Variants in LRBA observed in about 807,000 individuals in gnomAD.
LRBA encodes the protein LPS responsive beige-like anchor protein.
A neutral mutation model predicts 330.0 loss-of-function variants in LRBA; 176 were observed. That is an observed-to-expected ratio of 0.53 (90% CI 0.47 to 0.60). The LOEUF (loss-of-function observed/expected upper bound fraction) is 0.60. LRBA is among the 20% of genes least tolerant of loss of function. LRBA has a pLI of 0.00. For synonymous variants in LRBA, 1,230 were observed against 1,193.0 expected, an observed-to-expected ratio of 1.03 and a Z score of -0.64; for missense variants, 3,259 against 3,444.8, an observed-to-expected ratio of 0.95 and a Z score of 1.35.
At chr4:150,356,260 G>C (rs560453054) in intron 47 of LRBA, among the ~76,000 whole-genome samples, 1 of 152,140 alleles carries the variant, frequency 6.6e-6, no homozygotes, top group Non-Finnish European at 1.5e-5. Context: ...AGTCCAAAAA[G>C]GAAAAGTTTA....
At chr4:150,648,614 C>A (rs891432172) in intron 37 of LRBA, among the ~76,000 whole-genome samples, 1 of 151,702 alleles carries the variant, frequency 6.6e-6, no homozygotes, top group East Asian at 1.9e-4. Context: ...TGATTGAGAA[C>A]CCTTAAATGC....
rs774453122 is a variant in LRBA, at chr4:150,737,983, C to CT, written c.5646-2618dup. The stretch of plus-strand genomic sequence containing the variant: ...CCTCAAGTCACATTTTTCTCTGAAT[C>CT]TTTTTTTTTTTTTTTTTTTTTTTTC... On this transcript the variant is annotated intron_variant, in intron 35 of 56. Transcript: ENST00000651943. 9.1e-3 allele frequency among the ~76,000 whole-genome samples: 1,022 copies of CT among 112,146 alleles called. 18 individuals carry two copies. Among genetic ancestry groups the CT allele is most frequent in the African/African-American group, 0.012 (345 of 27,772 alleles). 73.6% of individuals were successfully genotyped at this position (112,146 alleles called of 152,430 possible).
intron 22 of LRBA, among the ~76,000 whole-genome samples, chr4:150,859,134 T>C (rs1751586463): frequency 6.6e-6 from 1 of 152,172 alleles, no homozygotes; most frequent in Non-Finnish European, 1.5e-5. Flanking sequence ...TCTTCAGATA[T>C]TTCAAAAAAT....
intron 17 of LRBA, among the ~76,000 whole-genome samples, chr4:150,891,425 T>A (rs1194561686): frequency 2.0e-5 from 3 of 152,236 alleles, no homozygotes; most frequent in African/African-American, 7.2e-5. Context: ...AGATAGTTGG[T>A]CAAATATTTT....
chr4:150,572,031 C>A (rs970113501), intron 40 of LRBA, among the ~76,000 whole-genome samples: 1 of 151,740 alleles, frequency 6.6e-6, no homozygotes, highest in Non-Finnish European at 1.5e-5. Context: ...TATTTTATAT[C>A]CCTTTTAGAA....
At chr4:150,372,775 T>C (rs1372309701) in intron 47 of LRBA, among the ~76,000 whole-genome samples, 1 of 148,640 alleles carries the variant, frequency 6.7e-6, no homozygotes, top group Non-Finnish European at 1.5e-5. Flanking sequence ...TAGATATTAG[T>C]TCTCCTCCTG....
At chr4:150,712,781 T>C (rs1786353156) in intron 36 of LRBA, among the ~76,000 whole-genome samples, 1 of 152,070 alleles carries the variant, frequency 6.6e-6, no homozygotes, top group Non-Finnish European at 1.5e-5. Context: ...ACTACCAAGC[T>C]ACAAAACGGC....
chr4:150,315,458 A>T, intron 51 of LRBA, 103 bp downstream of exon 51: 1 of 971,438 alleles, frequency 1.0e-6, no homozygotes, highest in Non-Finnish European at 1.7e-6. Flanking sequence ...TATCAGGAAA[A>T]TTCCATTCCC....
chr4:150,495,556 G>A (rs1351541507), intron 40 of LRBA, among the ~76,000 whole-genome samples: 2 of 152,094 alleles, frequency 1.3e-5, no homozygotes, highest in African/African-American at 2.4e-5. Flanking sequence ...GGAATTACTA[G>A]CTGAAATTTA....
At chr4:150,576,342 C>T (rs894054902) in intron 40 of LRBA, among the ~76,000 whole-genome samples, 3 of 151,726 alleles carry the variant, frequency 2.0e-5, no homozygotes, top group Non-Finnish European at 3.0e-5. Context: ...AAAAGATACA[C>T]GATTTCTTGG....
intron 22 of LRBA, among the ~76,000 whole-genome samples, chr4:150,862,283 T>C (rs1398443468): frequency 6.6e-6 from 1 of 152,142 alleles, no homozygotes; most frequent in Non-Finnish European, 1.5e-5. Flanking sequence ...CCAACCCAAA[T>C]GTCCAACAAT....
intron 38 of LRBA, among the ~76,000 whole-genome samples, chr4:150,597,444 A>G (rs955732793): frequency 2.0e-5 from 3 of 151,908 alleles, no homozygotes; most frequent in Non-Finnish European, 2.9e-5. Context: ...TTGATATCTA[A>G]GGATAAAAGA....
At chr4:150,597,193 C>T in intron 38 of LRBA, 1 of 698,516 alleles carries the variant, frequency 1.4e-6, no homozygotes, top group Non-Finnish European at 2.4e-6. Context: ...TACTTCTATA[C>T]AAGTCAAGAG....
intron 46 of LRBA, among the ~76,000 whole-genome samples, chr4:150,427,060 G>A (rs1016264967): frequency 6.6e-6 from 1 of 151,848 alleles, no homozygotes; most frequent in African/African-American, 2.4e-5. Context: ...AAGAGAAGAT[G>A]CAAATAAAAT....
chr4:150,754,277 T>A, intron 35 of LRBA, among the ~76,000 whole-genome samples: 1 of 144,898 alleles, frequency 6.9e-6, no homozygotes, highest in African/African-American at 2.8e-5. Flanking sequence ...AAACATATGC[T>A]TATCCTAATT....
chr4:150,330,866 C>A (rs1458501097), intron 48 of LRBA, among the ~76,000 whole-genome samples: 1 of 152,124 alleles, frequency 6.6e-6, no homozygotes, highest in African/African-American at 2.4e-5. Context: ...GCAAGCTAGC[C>A]AGGAACCCTT....
intron 28 of LRBA, among the ~76,000 whole-genome samples, chr4:150,834,488 T>A (rs550943016): frequency 1.1e-3 from 173 of 152,206 alleles, no homozygotes; most frequent in Non-Finnish European, 2.2e-3. Context: ...CCAGGTTGAT[T>A]ATCAATGAGC....
rs112885238 is a variant in LRBA, at chr4:150,490,940, C to A, written c.6426G>T (p.Leu2142=). Reference sequence around the variant, plus strand: ...TACCTCTGTTTGCCATAAAGATCTCCAGGGCTGTATTTTGCAAAAGATAAC... The same window carrying A: ...TACCTCTGTTTGCCATAAAGATCTCAAGGGCTGTATTTTGCAAAAGATAAC... ...SRRYLLQNTA[L]EIFMANRVAV... is the part of the protein sequence containing the mutation. The change falls in exon 41 of 57, where the codon CTG becomes CTT. Residue 2142 remains leucine (L), a synonymous_variant. Coordinates refer to ENST00000651943, the MANE Select transcript of LRBA (RefSeq NM_001364905.1). 9 of 1,606,236 alleles carry A rather than the reference C, an allele frequency of 5.6e-6. No homozygotes were observed. Among genetic ancestry groups the A allele is most frequent in the African/African-American group, 5.3e-5 (4 of 74,834 alleles).
chr4:150,881,254 T>C (rs1362146080), intron 17 of LRBA, among the ~76,000 whole-genome samples: 1 of 152,140 alleles, frequency 6.6e-6, no homozygotes, highest in Non-Finnish European at 1.5e-5. Context: ...AGCAAAGACA[T>C]GAAATCAACC....
Sources: allele counts gnomAD v4.1 joint callset (sites outside exome capture counted in the v4.1 genomes callset), GRCh38; gene constraint gnomAD v4.1.1; transcripts MANE v1.5; gene names NCBI Gene and HGNC (gene_info 2026-07-23, HGNC 2026-07-21).